VPS13C: variants seen among roughly 807,000 people sequenced by gnomAD.
VPS13C encodes intermembrane lipid transfer protein VPS13C.
A neutral mutation model predicts 456.8 loss-of-function variants in VPS13C; 358 were observed. That is an observed-to-expected ratio of 0.78 (90% confidence interval 0.72 to 0.86). The LOEUF (loss-of-function observed/expected upper bound fraction) is 0.86, where lower values mean the gene tolerates loss of function less well. Among genes scored for constraint, VPS13C ranks in the 40% least tolerant of loss-of-function variants. VPS13C has a pLI of 0.00. For synonymous variants in VPS13C, 1,578 were observed against 1,486.7 expected, an observed-to-expected ratio of 1.06 and a Z score of -1.41; for missense variants, 4,818 against 4,385.4, an observed-to-expected ratio of 1.10 and a Z score of -2.79.
intron 67 of VPS13C, among the ~76,000 whole-genome samples, chr15:61,886,775 G>A (rs765321343): frequency 1.4e-4 from 21 of 152,158 alleles, no homozygotes; most frequent in Non-Finnish European, 2.5e-4. Context: ...GTCAATGATA[G>A]TGTTAACAAT....
chr15:62,002,307 T>C (rs1289845245), intron 15 of VPS13C, among the ~76,000 whole-genome samples: 1 of 152,258 alleles, frequency 6.6e-6, no homozygotes, highest in Non-Finnish European at 1.5e-5. Context: ...TTTGGCAGCA[T>C]AAATGTCTTC....
intron 1 of VPS13C, among the ~76,000 whole-genome samples, chr15:62,054,616 A>G (rs1392850520): frequency 6.6e-6 from 1 of 152,088 alleles, no homozygotes; most frequent in Non-Finnish European, 1.5e-5. Context: ...CAAATACATA[A>G]TGCAGGGCTT....
intron 10 of VPS13C, 28 bp from the exon 11 acceptor site, chr15:62,013,147 G>A (rs760377401): frequency 4.0e-6 from 6 of 1,515,202 alleles, no homozygotes; most frequent in Admixed American, 3.6e-5. Flanking sequence ...AAGAGATCAG[G>A]CAATCAACAC....
intron 44 of VPS13C, 49 bp from the exon 45 acceptor site, chr15:61,945,931 C>T: frequency 7.0e-7 from 1 of 1,428,068 alleles, no homozygotes; most frequent in Non-Finnish European, 9.3e-7. Flanking sequence ...GCTGTATAGC[C>T]CTTATCAATG....
At chr15:61,866,670 T>C in intron 81 of VPS13C, 1 of 985,242 alleles carries the variant, frequency 1.0e-6, no homozygotes, top group South Asian at 4.7e-5. Context: ...TCAGCTACTT[T>C]TAACAGTTAC....
chr15:61,878,649 C>A lies in VPS13C; in HGVS notation c.10100G>T (p.Ser3367Ile). The A allele has an allele frequency of 1.2e-6, 2 of 1,611,530 alleles. No homozygotes were observed. Among genetic ancestry groups the A allele is most frequent in the Non-Finnish European group, 1.7e-6 (2 of 1,178,812 alleles). The change falls in exon 74 of 85, where the codon AGC becomes ATC. Residue 3367 changes from serine (S) to isoleucine (I), a missense_variant. This residue lies in a region of VPS13C where 4,552 missense variants were observed against 4,130.6 expected (regional missense o/e 1.10). Transcript: ENST00000644861. Reference sequence around the variant, plus strand: ...CACATCAGTCAGAGTAGCACCTATGCTTTTCAACAGCAAGTTGACAGAATG... The same window carrying A: ...CACATCAGTCAGAGTAGCACCTATGATTTTCAACAGCAAGTTGACAGAATG... ...AVHSVNLLLK[S>I]IGATLTDVDD...
intron 65 of VPS13C, among the ~76,000 whole-genome samples, chr15:61,908,521 T>C (rs886306212): frequency 6.6e-6 from 1 of 152,098 alleles, no homozygotes; most frequent in Non-Finnish European, 1.5e-5. Flanking sequence ...CACTATCTAC[T>C]CATCGTCTTC....
In VPS13C at chr15:62,034,446, G is replaced by A. The variant is rs558964935; in HGVS notation, c.283+511C>T. 2.6e-5 allele frequency among the ~76,000 whole-genome samples: 4 copies of A among 151,178 alleles called. No homozygotes were observed. The East Asian group carries it at 7.7e-4, about 29-fold the overall frequency. On this transcript the variant is annotated intron_variant, in intron 4 of 84. Transcript: ENST00000644861. Reference sequence around the variant, plus strand: ...TTATAAGTGAAAAAATAATAATAAAGATATTACTTAAACATCACTACTTTA... The same window carrying A: ...TTATAAGTGAAAAAATAATAATAAAAATATTACTTAAACATCACTACTTTA...
At chr15:61,989,681 C>T (rs1172661742) in intron 18 of VPS13C, among the ~76,000 whole-genome samples, 1 of 152,094 alleles carries the variant, frequency 6.6e-6, no homozygotes, top group Non-Finnish European at 1.5e-5. Flanking sequence ...TTTAGTCATC[C>T]AGGAAATGCA....
In VPS13C at chr15:61,967,261, A is replaced by T. The variant is rs12101628; in HGVS notation, c.2991+107T>A. ...AGAAACAGATTTCCCTCTAATTAGA[A>T]ACTGTGATACACATCCAGAGCCATT... On this transcript the variant is annotated intron_variant, in intron 29 of 84. Coordinates refer to ENST00000644861, the MANE Select transcript of VPS13C (RefSeq NM_020821.3). The T allele has an allele frequency of 2.1e-4, 186 of 883,070 alleles. No homozygotes were observed. In the African/African-American group the frequency reaches 2.4e-3, roughly 11 times the overall value. The allele number at this position is 883,070 out of a possible 1,614,324, so 54.7% of individuals were successfully genotyped here.
intron 30 of VPS13C, 59 bp downstream of exon 30, chr15:61,966,024 G>C: frequency 1.5e-6 from 2 of 1,323,774 alleles, no homozygotes; most frequent in African/African-American, 1.5e-5. Context: ...AAGGATACTA[G>C]AGGCTTTGAG....
intron 49 of VPS13C, among the ~76,000 whole-genome samples, chr15:61,933,523 G>A (rs2044129712): frequency 6.6e-6 from 1 of 151,904 alleles, no homozygotes; most frequent in Admixed American, 6.6e-5. Flanking sequence ...CCCAATTAGG[G>A]TATATGCTCA....
Position 61,993,459 on chromosome 15 carries a change from G to A in VPS13C, c.1354-1657C>T, listed in dbSNP as rs186708622. On this transcript the variant is annotated intron_variant, in intron 16 of 84. Transcript: ENST00000644861. ...CTAAGAGAAATCAAGATAGTATGGCGACAAACCCCAACATTCAACTTCCTC... is the reference window on the plus strand; with the variant it reads ...CTAAGAGAAATCAAGATAGTATGGCAACAAACCCCAACATTCAACTTCCTC... Among the ~76,000 whole-genome samples, 86 of 151,968 alleles carry A rather than the reference G, an allele frequency of 5.7e-4. No individual in the cohort carries two copies. The East Asian group carries it at 0.012, about 21-fold the overall frequency.
At chr15:62,030,289 A>G (rs2047770199) in intron 5 of VPS13C, among the ~76,000 whole-genome samples, 1 of 152,194 alleles carries the variant, frequency 6.6e-6, no homozygotes, top group African/African-American at 2.4e-5. Context: ...GTACATTGAT[A>G]TGATTTGGAT....
chr15:61,964,851 GA>G lies in VPS13C; in HGVS notation c.3061del (p.Ser1021HisfsTer3). 6.3e-7 allele frequency: 1 copy of G among 1,598,322 alleles called. No individual in the cohort carries two copies. Among genetic ancestry groups the G allele is most frequent in the Non-Finnish European group, 8.5e-7 (1 of 1,175,162 alleles). ...TGTTTGCAGCAACAGATTTAAAGAT[GA>G]AAAGGCCACCTAAAAATGTTTTAAA... ...KTEQTVKVAF[S>X]SLNLLLQTQA... On this transcript the variant is annotated frameshift_variant, in exon 31 of 85. Transcript: ENST00000644861. LOFTEE classifies it high-confidence loss of function.
Position 61,876,959 on chromosome 15 carries a change from T to A in VPS13C, c.10224+14A>T. The A allele has an allele frequency of 6.3e-7, 1 of 1,576,022 alleles. No homozygotes were observed. The highest frequency in any genetic ancestry group is 2.3e-5 in the East Asian group (1 of 44,282). On this transcript the variant is annotated intron_variant, in intron 75 of 84. Coordinates refer to ENST00000644861, the MANE Select transcript of VPS13C (RefSeq NM_020821.3). ...GAAGTATATTCCTTATGAAATACTA[T>A]GATAGGAAATTACCTGTTCACTGTA... is the stretch of plus-strand genomic sequence containing the variant.
chr15:61,869,980 G>A, intron 79 of VPS13C, among the ~76,000 whole-genome samples: 1 of 152,144 alleles, frequency 6.6e-6, no homozygotes, highest in African/African-American at 2.4e-5. Flanking sequence ...GAAGGGACCA[G>A]TAAACATTCT....
chr15:61,864,450 G>T, intron 81 of VPS13C: 1 of 841,626 alleles, frequency 1.2e-6, no homozygotes, highest in Non-Finnish European at 1.4e-6. Context: ...ATGCATGGCT[G>T]AAAATAGATA....
In VPS13C at chr15:61,886,545, T is replaced by G. The variant is rs568006317; in HGVS notation, c.9342-2276A>C. On this transcript the variant is annotated intron_variant, in intron 67 of 84. Coordinates refer to ENST00000644861, the MANE Select transcript of VPS13C (RefSeq NM_020821.3). ...GCACTAACTCAAACATGCTGTGATT[T>G]GTAGTGCACTGAGTAGCAATGTCAA... 4.6e-5 allele frequency among the ~76,000 whole-genome samples: 7 copies of G among 152,212 alleles called. No individual in the cohort carries two copies. The South Asian group carries it at 1.0e-3, about 23-fold the overall frequency.
Sources: allele counts gnomAD v4.1 joint callset (sites outside exome capture counted in the v4.1 genomes callset), GRCh38; gene constraint gnomAD v4.1.1; regional missense constraint gnomAD v4.1.1; transcripts MANE v1.5; gene names NCBI Gene and HGNC (gene_info 2026-07-23, HGNC 2026-07-21).